The following ACYP2 variants were observed in gnomAD, a reference collection of about 807,000 sequenced individuals.
ACYP2 encodes the protein acylphosphatase-2.
In ACYP2, 12 loss-of-function variants were observed where a neutral mutation model predicts 11.2. That is an observed-to-expected ratio of 1.08 (90% CI 0.69 to 1.74). The LOEUF (loss-of-function observed/expected upper bound fraction) is 1.74. Ranked by LOEUF, ACYP2 falls within the 40% of genes most tolerant of loss-of-function variation. The pLI, the probability that ACYP2 is intolerant of heterozygous loss-of-function variation, is 0.00. For missense variants in ACYP2, 134 were observed against 101.9 expected, an observed-to-expected ratio of 1.31 and a Z score of -1.35; for synonymous variants, 43 against 32.2, an observed-to-expected ratio of 1.33 and a Z score of -1.13.
chr2:54,179,215 C>G (rs2103864888), intron 6 of ACYP2, among the ~76,000 whole-genome samples: 1 of 116,988 alleles, frequency 8.5e-6, no homozygotes, highest in East Asian at 2.8e-4. Context: ...TCAGTGCAGA[C>G]CTGTGACCAA....
chr2:54,157,201 G>A (rs919977550), intron 6 of ACYP2, among the ~76,000 whole-genome samples: 8 of 151,926 alleles, frequency 5.3e-5, no homozygotes, highest in Non-Finnish European at 7.4e-5. Flanking sequence ...TCCTATGCAT[G>A]TAACATGTAT....
intron 4 of ACYP2, among the ~76,000 whole-genome samples, chr2:54,086,973 T>A (rs1296209197): frequency 6.6e-6 from 1 of 152,226 alleles, no homozygotes; most frequent in Non-Finnish European, 1.5e-5. Flanking sequence ...TGCCATAGGA[T>A]ACCCAGATCT....
Position 54,289,873 on chromosome 2 carries a change from G to A in ACYP2, c.405-14815G>A, listed in dbSNP as rs552096316. Among the ~76,000 whole-genome samples the A allele has an allele frequency of 2.6e-5, 4 of 152,042 alleles. No homozygotes were observed. In the East Asian group the frequency reaches 5.8e-4, roughly 22 times the overall value. On this transcript the variant is annotated intron_variant, in intron 6 of 6. Transcript: ENST00000607452. ...CTCGTCAAATATTTCAAGGCATTCC[G>A]AGAGCCCCCATCTTCAGGGTTAACC...
chr2:54,185,724 T>C (rs1683956720), intron 6 of ACYP2, among the ~76,000 whole-genome samples: 1 of 152,108 alleles, frequency 6.6e-6, no homozygotes, highest in Non-Finnish European at 1.5e-5. Flanking sequence ...GGAAAAATAA[T>C]AAATTCATTT....
chr2:54,083,756 C>G (rs1157972508), intron 4 of ACYP2, among the ~76,000 whole-genome samples: 1 of 152,138 alleles, frequency 6.6e-6, no homozygotes, highest in Non-Finnish European at 1.5e-5. Context: ...CCCCCAGACC[C>G]TGGGGCATAA....
At chr2:54,278,182 G>A (rs945926853) in intron 6 of ACYP2, among the ~76,000 whole-genome samples, 4 of 152,126 alleles carry the variant, frequency 2.6e-5, no homozygotes, top group Non-Finnish European at 5.9e-5. Context: ...GTTTCACCGT[G>A]TTAGCCAGGA....
At chr2:53,984,496 GA>G (rs1326871147) in intron 2 of ACYP2, among the ~76,000 whole-genome samples, 1 of 151,670 alleles carries the variant, frequency 6.6e-6, no homozygotes, top group East Asian at 1.9e-4. Flanking sequence ...ATAATCTCTT[GA>G]ACCGGGGGGG....
At chr2:54,255,077 G>A in intron 6 of ACYP2, 1 of 1,614,194 alleles carries the variant, frequency 6.2e-7, no homozygotes, top group Non-Finnish European at 8.5e-7. Context: ...GACTCTGGAA[G>A]GCTGTGGTCT....
At chr2:53,973,657 CA>C in intron 1 of ACYP2, 1 of 214,308 alleles carries the variant, frequency 4.7e-6, no homozygotes, top group Admixed American at 5.8e-5. Context: ...CCACCTATTC[CA>C]AAACCTATAA....
chr2:54,053,376 G>A (rs1675963492), intron 3 of ACYP2, among the ~76,000 whole-genome samples: 1 of 152,166 alleles, frequency 6.6e-6, no homozygotes, highest in Non-Finnish European at 1.5e-5. Context: ...CGGTTGCTGT[G>A]GAAGGCCTCC....
chr2:54,255,395 C>G (rs562154632), intron 6 of ACYP2: 1 of 1,614,076 alleles, frequency 6.2e-7, no homozygotes, highest in Non-Finnish European at 8.5e-7. Flanking sequence ...AAAGCAGTGA[C>G]CCAGAAGCCC....
intron 4 of ACYP2, chr2:54,066,034 T>C (rs763862337): frequency 3.9e-5 from 6 of 152,274 alleles, no homozygotes; most frequent in African/African-American, 9.6e-5. Context: ...CTAATAAATA[T>C]GTATTTATAC....
chr2:53,997,528 A>T (rs1344879660), intron 2 of ACYP2, among the ~76,000 whole-genome samples: 1 of 145,958 alleles, frequency 6.9e-6, no homozygotes, highest in Non-Finnish European at 1.5e-5. Flanking sequence ...CTGATCTCGA[A>T]CTCCTGACCT....
chr2:54,286,727 A>G (rs570939072), intron 6 of ACYP2, among the ~76,000 whole-genome samples: 2 of 152,108 alleles, frequency 1.3e-5, no homozygotes, highest in South Asian at 4.1e-4. Context: ...TGCTGTTTTG[A>G]TTATACTCCT....
At chr2:54,289,852 T>G (rs1027941607) in intron 6 of ACYP2, among the ~76,000 whole-genome samples, 3 of 151,928 alleles carry the variant, frequency 2.0e-5, no homozygotes, top group Non-Finnish European at 2.9e-5. Flanking sequence ...TTGATTCTCG[T>G]CAAATATTTC....
chr2:54,029,475 A>G (rs887363370), intron 2 of ACYP2: 1 of 350,932 alleles, frequency 2.8e-6, no homozygotes, highest in Admixed American at 3.7e-5. Flanking sequence ...ATATGTGTAT[A>G]TATGTATTAT....
intron 2 of ACYP2, among the ~76,000 whole-genome samples, chr2:53,974,618 A>AT (rs1013791225): frequency 9.9e-5 from 15 of 152,238 alleles, no homozygotes; most frequent in Admixed American, 2.0e-4. Context: ...CAATTTAATG[A>AT]TTTTTTCCCT....
chr2:54,019,776 T>C (rs1201016882), intron 2 of ACYP2, among the ~76,000 whole-genome samples: 1 of 151,752 alleles, frequency 6.6e-6, no homozygotes, highest in Non-Finnish European at 1.5e-5. Flanking sequence ...TGAGCCACCA[T>C]GCCTGGCTAA....
chr2:54,019,301 T>C (rs1286131446), intron 2 of ACYP2, among the ~76,000 whole-genome samples: 2 of 151,736 alleles, frequency 1.3e-5, no homozygotes, highest in African/African-American at 4.8e-5. Flanking sequence ...TGAGCTGCTA[T>C]CTTCAAGTTA....
Sources: gnomAD v4.1 joint callset for allele counts (sites outside exome capture counted in the v4.1 genomes callset) on GRCh38, gnomAD v4.1.1 for gene constraint, MANE v1.5 for transcripts, NCBI Gene and HGNC (gene_info 2026-07-23, HGNC 2026-07-21) for gene names.